HNF4G: variants seen among roughly 807,000 people sequenced by gnomAD.
The protein encoded by HNF4G is hepatocyte nuclear factor 4 gamma, also known as hepatocyte nuclear factor 4-gamma.
In HNF4G, 21 loss-of-function variants were observed where a neutral mutation model predicts 50.9. The ratio of observed to expected loss-of-function variants is 0.41; its 90% CI spans 0.29 to 0.59. The LOEUF (loss-of-function observed/expected upper bound fraction) is 0.59. Ranked by LOEUF, HNF4G falls within the 20% of genes least tolerant of loss-of-function variation. HNF4G has a pLI of 0.26. For missense variants in HNF4G, 527 were observed against 559.4 expected (o/e 0.94, Z 0.58); for synonymous variants, 198 against 185.6 (o/e 1.07, Z -0.54).
At position 75,560,381 on chromosome 8, in the gene HNF4G, G is replaced by A. The variant is rs1807271861; in HGVS notation, c.1161G>A (p.Met387Ile). The change falls in exon 9 of 10, where the codon ATG becomes ATA. Residue 387 changes from methionine to isoleucine, a missense_variant. Transcript: ENST00000396423. ...SNDGSHLHHP[M>I]HPHLSQDPLT... ...ATGGCAGTCATCTCCATCATCCAAT[G>A]CATCCACATTTGTCTCAAGACCCAT... 1.9e-6 allele frequency: 3 copies of A among 1,613,170 alleles called. No individual in the cohort carries two copies. Among genetic ancestry groups the A allele is most frequent in the East Asian group, 4.5e-5 (2 of 44,834 alleles).
At chr8:75,549,451 T>C (rs1806881281) in intron 3 of HNF4G, among the ~76,000 whole-genome samples, 1 of 152,024 alleles carries the variant, frequency 6.6e-6, no homozygotes, top group East Asian at 1.9e-4. Flanking sequence ...TAAAAATCAA[T>C]AACAATTTCT....
chr8:75,556,115 T>C, intron 6 of HNF4G, 46 bp downstream of exon 6: 2 of 1,054,532 alleles, frequency 1.9e-6, no homozygotes. Context: ...GCATATTTTA[T>C]TCTTGCAATA....
At position 75,423,827 on chromosome 8, in the gene HNF4G, T is replaced by C. The variant is rs1248137803; in HGVS notation, c.-144+15665T>C. Among the ~76,000 whole-genome samples the C allele has an allele frequency of 3.3e-4, 40 of 122,738 alleles. 1 individual carries two copies. The highest frequency in any genetic ancestry group is 7.5e-4 in the East Asian group (3 of 4,008). The allele number at this position is 122,738 out of a possible 152,430, so 80.5% of individuals were successfully genotyped here. The stretch of plus-strand genomic sequence containing the variant: ...GCCAAGTTTCTTTCTTTTTTTTTTT[T>C]TTTTTTTTTTTTTTTGATAAGGAGT... On this transcript the variant is annotated intron_variant, in intron 1 of 10. Transcript: ENST00000354370.
chr8:75,505,365 C>T (rs192918573), intron 2 of HNF4G, among the ~76,000 whole-genome samples: 1 of 152,208 alleles, frequency 6.6e-6, no homozygotes, highest in African/African-American at 2.4e-5. Flanking sequence ...TTTCTTGCCT[C>T]TAGATACACC....
chr8:75,418,968 C>T (rs1272547063), intron 1 of HNF4G, among the ~76,000 whole-genome samples: 2 of 152,088 alleles, frequency 1.3e-5, no homozygotes, highest in African/African-American at 4.8e-5. Context: ...CTCAGGTGAT[C>T]CGCCTGCCTC....
intron 1 of HNF4G, among the ~76,000 whole-genome samples, chr8:75,443,711 T>A (rs914235777): frequency 6.6e-6 from 1 of 152,204 alleles, no homozygotes; most frequent in Non-Finnish European, 1.5e-5. Flanking sequence ...ATATGGCATG[T>A]GATTTTTTTC....
At chr8:75,473,682 C>A (rs1812174590) in intron 1 of HNF4G, among the ~76,000 whole-genome samples, 1 of 152,126 alleles carries the variant, frequency 6.6e-6, no homozygotes, top group African/African-American at 2.4e-5. Flanking sequence ...AACAAAGCTA[C>A]ATGTTAGGAA....
intron 1 of HNF4G, among the ~76,000 whole-genome samples, chr8:75,460,471 T>A (rs1262773911): frequency 2.0e-5 from 3 of 152,164 alleles, no homozygotes; most frequent in African/African-American, 7.2e-5. Context: ...AGTGGGTTTT[T>A]AAAAAATCTA....
chr8:75,475,016 A>G lies in HNF4G; in HGVS notation c.-143-15073A>G, dbSNP rs1812210128. ...TGGCCTATTATTTATTAATTAATTA[A>G]TTTATTTTTTGAGACGGAGTCTTGC... On this transcript the variant is annotated intron_variant, in intron 1 of 10. Coordinates refer to the HNF4G transcript ENST00000354370. Among the ~76,000 whole-genome samples the G allele has an allele frequency of 5.4e-5, 8 of 147,402 alleles. No individual in the cohort carries two copies. The South Asian group carries it at 1.7e-3, about 32-fold the overall frequency.
intron 2 of HNF4G, among the ~76,000 whole-genome samples, chr8:75,491,599 C>T (rs1330328238): frequency 6.6e-6 from 1 of 151,972 alleles, no homozygotes; most frequent in Non-Finnish European, 1.5e-5. Flanking sequence ...GCCTCAGCCT[C>T]CCAAGTAGCG....
At chr8:75,439,115 G>A (rs535192245) in intron 1 of HNF4G, among the ~76,000 whole-genome samples, 71 of 151,958 alleles carry the variant, frequency 4.7e-4, no homozygotes, top group Non-Finnish European at 9.1e-4. Context: ...ATAACATTGT[G>A]CATATATTTA....
At chr8:75,516,650 A>G (rs77298985) in intron 2 of HNF4G, among the ~76,000 whole-genome samples, 1,730 of 152,242 alleles carry the variant, frequency 0.011, 33 homozygotes, top group African/African-American at 0.04. Flanking sequence ...AGTTACTGAG[A>G]GATGAGTGCT....
At chr8:75,408,670 C>A (rs980588970) in intron 1 of HNF4G, among the ~76,000 whole-genome samples, 1 of 152,188 alleles carries the variant, frequency 6.6e-6, no homozygotes, top group Non-Finnish European at 1.5e-5. Flanking sequence ...TAAGCCAGCA[C>A]GTGATAAGAT....
At chr8:75,473,155 A>G (rs1812158217) in intron 1 of HNF4G, among the ~76,000 whole-genome samples, 1 of 152,090 alleles carries the variant, frequency 6.6e-6, no homozygotes, top group Non-Finnish European at 1.5e-5. Context: ...TAAAAATACA[A>G]AAAATTAGCC....
chr8:75,423,917 G>C (rs1355515260), intron 1 of HNF4G, among the ~76,000 whole-genome samples: 1 of 132,386 alleles, frequency 7.6e-6, no homozygotes, highest in East Asian at 2.5e-4. Flanking sequence ...TCAACTTCCC[G>C]GGTTCAAGCA....
chr8:75,547,527 T>C, intron 2 of HNF4G, 60 bp from the exon 3 acceptor site: 1 of 1,184,502 alleles, frequency 8.4e-7, no homozygotes, highest in Non-Finnish European at 1.3e-6. Context: ...CATTTGTCTG[T>C]TTATTTGCTT....
intron 2 of HNF4G, among the ~76,000 whole-genome samples, chr8:75,494,180 AAT>A (rs1214109444): frequency 6.6e-6 from 1 of 152,160 alleles, no homozygotes; most frequent in Admixed American, 6.6e-5. Flanking sequence ...GAAGACAGTT[AAT>A]GAGATTATAA....
chr8:75,551,446 C>T lies in HNF4G; in HGVS notation c.441C>T (p.Asn147=), dbSNP rs1182646505. Residue 147 remains asparagine, a synonymous_variant, in exon 4 of 10, where the codon AAC becomes AAT. Transcript: ENST00000396423. ...STRRSTFDGS[N]IPSINTLAQA... ...GAAGAAGCACATTTGATGGCAGCAA[C>T]ATCCCCTCCATTAACACACTGGCAC... 6 of 1,613,246 alleles carry T rather than the reference C, an allele frequency of 3.7e-6. No individual in the cohort carries two copies. Among genetic ancestry groups the T allele is most frequent in the Non-Finnish European group, 5.1e-6 (6 of 1,179,466 alleles).
chr8:75,483,071 G>A (rs917470033), intron 1 of HNF4G, among the ~76,000 whole-genome samples: 3 of 152,166 alleles, frequency 2.0e-5, no homozygotes, highest in Middle Eastern at 3.4e-3. Flanking sequence ...CTGAACATGC[G>A]CAGGTATCAT....
Sources: gnomAD v4.1 joint callset for allele counts (sites outside exome capture counted in the v4.1 genomes callset) on GRCh38, gnomAD v4.1.1 for gene constraint, MANE v1.5 for transcripts, NCBI Gene and HGNC (gene_info 2026-07-23, HGNC 2026-07-21) for gene names.